Variants in RAB8B observed in about 807,000 individuals in gnomAD.
RAB8B encodes RAB8B, member RAS oncogene family, also known as ras-related protein Rab-8B.
In RAB8B, 11 loss-of-function variants were observed where a neutral mutation model predicts 32.0. That is an observed-to-expected ratio of 0.34 (90% CI 0.22 to 0.57). The LOEUF (loss-of-function observed/expected upper bound fraction) is 0.57. RAB8B is among the 20% of genes least tolerant of loss of function. RAB8B has a pLI of 0.86. For missense variants in RAB8B, 190 were observed against 258.5 expected (o/e 0.73, Z 1.82); for synonymous variants, 103 against 89.6 (o/e 1.15, Z -0.85).
intron 1 of RAB8B, among the ~76,000 whole-genome samples, chr15:63,234,950 A>G (rs564619957): frequency 3.4e-4 from 51 of 152,200 alleles, no homozygotes; most frequent in African/African-American, 1.2e-3. Flanking sequence ...CGAGGTGGAG[A>G]AGAAAAGTCC....
At chr15:63,253,012 T>G (rs972788934) in intron 3 of RAB8B, among the ~76,000 whole-genome samples, 4 of 152,210 alleles carry the variant, frequency 2.6e-5, no homozygotes, top group Admixed American at 6.5e-5. Context: ...CCTCCCAAAG[T>G]GCTGGGATTA....
intron 1 of RAB8B, among the ~76,000 whole-genome samples, chr15:63,217,577 T>C (rs1401634440): frequency 2.0e-5 from 3 of 152,210 alleles, no homozygotes; most frequent in Non-Finnish European, 4.4e-5. Flanking sequence ...TTATTTTGAA[T>C]ACCTCTGAGT....
chr15:63,229,711 G>A (rs902333021), intron 1 of RAB8B, among the ~76,000 whole-genome samples: 6 of 144,842 alleles, frequency 4.1e-5, no homozygotes, highest in African/African-American at 1.3e-4. Flanking sequence ...AACCCTGGGG[G>A]CAGAGGTTGC....
At chr15:63,190,633 T>C (rs1057291639) in intron 1 of RAB8B, among the ~76,000 whole-genome samples, 1 of 152,222 alleles carries the variant, frequency 6.6e-6, no homozygotes, top group African/African-American at 2.4e-5. Flanking sequence ...ATAATGTCTA[T>C]AGAGCGTTAA....
intron 1 of RAB8B, among the ~76,000 whole-genome samples, chr15:63,210,792 C>T (rs1333720219): frequency 6.6e-6 from 1 of 152,120 alleles, no homozygotes; most frequent in Non-Finnish European, 1.5e-5. Context: ...CTTTTTTTTA[C>T]TAGGCTGTAG....
At chr15:63,206,576 GTAA>G (rs1444132210) in intron 1 of RAB8B, among the ~76,000 whole-genome samples, 1 of 152,084 alleles carries the variant, frequency 6.6e-6, no homozygotes, top group African/African-American at 2.4e-5. Context: ...TATGCTTGAT[GTAA>G]TAATACCTTC....
At chr15:63,202,174 A>T (rs892950175) in intron 1 of RAB8B, among the ~76,000 whole-genome samples, 1 of 149,654 alleles carries the variant, frequency 6.7e-6, no homozygotes. Flanking sequence ...GCTACTTGGG[A>T]GGCTGAGGGA....
chr15:63,196,157 T>TA (rs1282971220), intron 1 of RAB8B, among the ~76,000 whole-genome samples: 1 of 152,056 alleles, frequency 6.6e-6, no homozygotes, highest in African/African-American at 2.4e-5. Context: ...GGGCAATTAA[T>TA]AAAAACAAAC....
chr15:63,229,814 GCC>G (rs2037921306), intron 1 of RAB8B, among the ~76,000 whole-genome samples: 1 of 115,702 alleles, frequency 8.6e-6, no homozygotes. Context: ...AAAAAAAGAA[GCC>G]AAACCAAGGA....
chr15:63,252,873 CTAGT>C (rs1371826392), intron 3 of RAB8B, among the ~76,000 whole-genome samples: 5 of 151,906 alleles, frequency 3.3e-5, no homozygotes, highest in South Asian at 2.1e-4. Context: ...CTCAGCCTCC[CTAGT>C]AGCTGGGATT....
Position 63,267,746 on chromosome 15 carries a change from T to G in RAB8B, c.*4127T>G, listed in dbSNP as rs561252453. The G allele has an allele frequency of 3.9e-5, 6 of 152,198 alleles. No individual in the cohort carries two copies. The highest frequency in any genetic ancestry group is 7.2e-5 in the African/African-American group (3 of 41,442). The allele number at this position is 152,198 out of a possible 1,614,324, so 9.4% of individuals were successfully genotyped here. A position where few individuals can be genotyped will look rare whatever the true frequency, so the allele number is the denominator to read the frequency against. On this transcript the variant is annotated 3_prime_UTR_variant, in exon 8 of 8. Coordinates refer to ENST00000321437, the MANE Select transcript of RAB8B (RefSeq NM_016530.3). ...CTTTTTTTTTATAATAATGTTCGTC[T>G]AAAATAAAAACTACATAATGAAAAT...
At chr15:63,223,521 A>AT (rs2037862468) in intron 1 of RAB8B, among the ~76,000 whole-genome samples, 1 of 152,248 alleles carries the variant, frequency 6.6e-6, no homozygotes. Flanking sequence ...TATTTGGTAC[A>AT]GTAGCATACT....
chr15:63,253,676 A>G (rs933825473), intron 3 of RAB8B, among the ~76,000 whole-genome samples: 18 of 152,130 alleles, frequency 1.2e-4, no homozygotes, highest in Non-Finnish European at 2.2e-4. Flanking sequence ...AAGAAAGAAA[A>G]AAAAGAATGA....
chr15:63,244,652 C>T lies in RAB8B; in HGVS notation c.125-104C>T. On this transcript the variant is annotated intron_variant, in intron 1 of 7. Coordinates refer to ENST00000321437, the MANE Select transcript of RAB8B (RefSeq NM_016530.3). ...ACACCCTCTCTGTGTTCACATTTTC[C>T]AGTGCGTTGGAGAGCTTTTTTTCAA... 5 of 822,966 alleles carry T rather than the reference C, an allele frequency of 6.1e-6. No homozygotes were observed. The South Asian group carries it at 8.0e-5, about 13-fold the overall frequency. 51.0% of individuals were successfully genotyped at this position (822,966 alleles called of 1,614,324 possible).
At chr15:63,212,202 T>C (rs1479384027) in intron 1 of RAB8B, among the ~76,000 whole-genome samples, 2 of 152,156 alleles carry the variant, frequency 1.3e-5, no homozygotes, top group Non-Finnish European at 2.9e-5. Flanking sequence ...GCATCCTTGA[T>C]GTATAACAAG....
chr15:63,191,058 C>T (rs2037552289), intron 1 of RAB8B, among the ~76,000 whole-genome samples: 1 of 152,154 alleles, frequency 6.6e-6, no homozygotes, highest in Non-Finnish European at 1.5e-5. Flanking sequence ...AAGTGACCAC[C>T]TTAACATCAT....
intron 5 of RAB8B, among the ~76,000 whole-genome samples, chr15:63,258,472 A>G (rs1309129513): frequency 6.6e-6 from 1 of 152,240 alleles, no homozygotes; most frequent in South Asian, 2.1e-4. Flanking sequence ...ATGAATCCCA[A>G]GATAATGGTA....
chr15:63,208,418 C>T lies in RAB8B; in HGVS notation c.124+18670C>T, dbSNP rs550752043. 3.9e-5 allele frequency among the ~76,000 whole-genome samples: 6 copies of T among 152,256 alleles called. No individual in the cohort carries two copies. The South Asian group carries it at 1.2e-3, about 32-fold the overall frequency. The stretch of plus-strand genomic sequence containing the variant: ...GTAGTAATAGATGGTCATTATCTCA[C>T]TGTCATTTGTGAAAGAAAAAACGAT... On this transcript the variant is annotated intron_variant, in intron 1 of 7. Transcript: ENST00000321437.
chr15:63,245,297 G>A (rs2038062304), intron 2 of RAB8B, among the ~76,000 whole-genome samples: 1 of 152,136 alleles, frequency 6.6e-6, no homozygotes, highest in Admixed American at 6.5e-5. Flanking sequence ...GATGGCATTG[G>A]AGTTCCCCTC....
Sources: gnomAD v4.1 joint callset for allele counts (sites outside exome capture counted in the v4.1 genomes callset) on GRCh38, gnomAD v4.1.1 for gene constraint, MANE v1.5 for transcripts, NCBI Gene and HGNC (gene_info 2026-07-23, HGNC 2026-07-21) for gene names.